SOS1: variants seen among roughly 807,000 people sequenced by gnomAD.
SOS1 encodes SOS Ras/Rac guanine nucleotide exchange factor 1.
A neutral mutation model predicts 157.6 loss-of-function variants in SOS1; 25 were observed. The ratio of observed to expected loss-of-function variants is 0.16; its 90% CI spans 0.12 to 0.22. The LOEUF (loss-of-function observed/expected upper bound fraction) is 0.22. Ranked by LOEUF, SOS1 falls within the 10% of genes least tolerant of loss-of-function variation. SOS1 has a pLI of 1.00. For missense variants in SOS1, 1,237 were observed against 1,599.1 expected (o/e 0.77, Z 3.86); for synonymous variants, 528 against 534.0 (o/e 0.99, Z 0.16).
chr2:39,061,929 A>C (rs965192659), intron 2 of SOS1, among the ~76,000 whole-genome samples: 5 of 152,138 alleles, frequency 3.3e-5, no homozygotes, highest in Non-Finnish European at 7.4e-5. Flanking sequence ...AGGTTTAAAA[A>C]GATAATCTTG....
rs554401013 is a variant in SOS1 at position 39,083,848 on chromosome 2, T to C, written c.88-16095A>G. ...GGTTGGATACACTGTGGAATATGAT[T>C]GTTATGGGCTGAATAGTGTCCCTCC... is the stretch of plus-strand genomic sequence containing the variant. On this transcript the variant is annotated intron_variant, in intron 1 of 22. Coordinates refer to ENST00000402219, the MANE Select transcript of SOS1 (RefSeq NM_005633.4). Among the ~76,000 whole-genome samples the C allele has an allele frequency of 2.6e-5, 4 of 152,296 alleles. No individual in the cohort carries two copies. In the South Asian group the frequency reaches 8.3e-4, roughly 32 times the overall value.
chr2:39,077,601 G>A (rs759060631), intron 1 of SOS1, among the ~76,000 whole-genome samples: 67 of 152,178 alleles, frequency 4.4e-4, no homozygotes, highest in Admixed American at 4.1e-3. Flanking sequence ...ACATGATTAC[G>A]CTACAGTGAT....
chr2:39,107,209 G>C (rs928038358), intron 1 of SOS1, among the ~76,000 whole-genome samples: 3 of 151,920 alleles, frequency 2.0e-5, no homozygotes, highest in East Asian at 1.9e-4. Context: ...TCATGAGAAC[G>C]AGCCTCTCAG....
At chr2:39,055,762 G>C (rs1458412694) in intron 4 of SOS1, among the ~76,000 whole-genome samples, 2 of 152,188 alleles carry the variant, frequency 1.3e-5, no homozygotes, top group Admixed American at 6.5e-5. Flanking sequence ...TTTTCATAAA[G>C]TGAACATCCT....
intron 20 of SOS1, among the ~76,000 whole-genome samples, chr2:38,991,329 G>C (rs1180806864): frequency 6.6e-6 from 1 of 152,084 alleles, no homozygotes; most frequent in Non-Finnish European, 1.5e-5. Context: ...AATCTTCCAG[G>C]AGGAAAAGCC....
At chr2:39,007,843 A>ACG (rs1411732647) in intron 15 of SOS1, among the ~76,000 whole-genome samples, 1 of 152,146 alleles carries the variant, frequency 6.6e-6, no homozygotes, top group Non-Finnish European at 1.5e-5. Flanking sequence ...ATGCACACGC[A>ACG]CACACACACA....
At chr2:39,083,628 A>C (rs2148174638) in intron 1 of SOS1, among the ~76,000 whole-genome samples, 1 of 152,308 alleles carries the variant, frequency 6.6e-6, no homozygotes, top group South Asian at 2.1e-4. Context: ...CTCATACCTT[A>C]CAAGTAGAAA....
At chr2:39,044,911 G>A (rs539452396) in intron 6 of SOS1, among the ~76,000 whole-genome samples, 5 of 152,140 alleles carry the variant, frequency 3.3e-5, no homozygotes, top group Admixed American at 6.5e-5. Flanking sequence ...GTGAGGGATT[G>A]ATTACAGGAT....
intron 2 of SOS1, among the ~76,000 whole-genome samples, chr2:39,062,296 T>C (rs1671432356): frequency 6.6e-6 from 1 of 151,680 alleles, no homozygotes; most frequent in African/African-American, 2.4e-5. Context: ...TGCTCGCTTG[T>C]AGTCCCAGCT....
At chr2:39,113,660 T>C (rs1467544044) in intron 1 of SOS1, among the ~76,000 whole-genome samples, 2 of 152,218 alleles carry the variant, frequency 1.3e-5, no homozygotes, top group Non-Finnish European at 2.9e-5. Flanking sequence ...AATAGTATCC[T>C]ATGAGAATTA....
intron 1 of SOS1, among the ~76,000 whole-genome samples, chr2:39,101,232 G>C (rs1206821361): frequency 6.6e-6 from 1 of 152,100 alleles, no homozygotes; most frequent in Non-Finnish European, 1.5e-5. Context: ...TGAACGAATA[G>C]AGCAGGAATT....
chr2:39,110,652 CACA>C (rs1673391495), intron 1 of SOS1, among the ~76,000 whole-genome samples: 1 of 152,022 alleles, frequency 6.6e-6, no homozygotes, highest in Admixed American at 6.6e-5. Flanking sequence ...TGTATCACAA[CACA>C]ACAATTAACT....
chr2:39,014,223 A>G (rs1361768765), intron 11 of SOS1, among the ~76,000 whole-genome samples: 2 of 152,110 alleles, frequency 1.3e-5, no homozygotes, highest in African/African-American at 4.8e-5. Context: ...ACTAACTACA[A>G]ACAAAATAAA....
intron 1 of SOS1, among the ~76,000 whole-genome samples, chr2:39,073,249 C>T (rs1671848749): frequency 6.6e-6 from 1 of 152,172 alleles, no homozygotes; most frequent in Non-Finnish European, 1.5e-5. Context: ...TGTTTATGAG[C>T]AATTATAAAT....
At chr2:39,072,573 G>A (rs1415154407) in intron 1 of SOS1, among the ~76,000 whole-genome samples, 1 of 152,194 alleles carries the variant, frequency 6.6e-6, no homozygotes, top group Non-Finnish European at 1.5e-5. Flanking sequence ...AGACAACAAC[G>A]TGATACTGCT....
chr2:39,057,265 G>A (rs1364244962), intron 3 of SOS1, among the ~76,000 whole-genome samples: 1 of 152,028 alleles, frequency 6.6e-6, no homozygotes, highest in Non-Finnish European at 1.5e-5. Flanking sequence ...TGGTATCTAG[G>A]AATCTCTACC....
chr2:39,030,699 G>C (rs1417286132), intron 8 of SOS1, among the ~76,000 whole-genome samples: 2 of 152,086 alleles, frequency 1.3e-5, no homozygotes, highest in African/African-American at 4.8e-5. Context: ...GTTAAGGGTT[G>C]AATTGTGTCC....
intron 1 of SOS1, among the ~76,000 whole-genome samples, chr2:39,097,942 A>C (rs1443639593): frequency 6.6e-6 from 1 of 152,230 alleles, no homozygotes; most frequent in Non-Finnish European, 1.5e-5. Flanking sequence ...TAAGCTTTAA[A>C]TTAACTATTT....
intron 8 of SOS1, among the ~76,000 whole-genome samples, chr2:39,030,127 C>T (rs1670105550): frequency 6.6e-6 from 1 of 151,614 alleles, no homozygotes; most frequent in South Asian, 2.1e-4. Context: ...GATAGCACCA[C>T]TGCAATCCAG....
Sources: gnomAD v4.1 joint callset for allele counts (sites outside exome capture counted in the v4.1 genomes callset) on GRCh38, gnomAD v4.1.1 for gene constraint, MANE v1.5 for transcripts, NCBI Gene and HGNC (gene_info 2026-07-23, HGNC 2026-07-21) for gene names.